The following STXBP5L variants were observed in gnomAD, a reference collection of about 807,000 sequenced individuals.
STXBP5L encodes the protein syntaxin-binding protein 5-like.
Under a neutral mutation model 144.5 loss-of-function variants are expected in STXBP5L, and 65 were observed. The ratio of observed to expected loss-of-function variants is 0.45; its 90% CI spans 0.37 to 0.55. The LOEUF is 0.55. Ranked by LOEUF, STXBP5L falls within the 20% of genes least tolerant of loss-of-function variation. The pLI is 0.00. For synonymous variants in STXBP5L, 505 were observed against 469.6 expected (o/e 1.08, Z -0.97); for missense variants, 1,298 against 1,405.5 (o/e 0.92, Z 1.22).
At chr3:121,020,133 C>G (rs1284275921) in intron 3 of STXBP5L, among the ~76,000 whole-genome samples, 3 of 152,092 alleles carry the variant, frequency 2.0e-5, no homozygotes, top group Admixed American at 6.5e-5. Flanking sequence ...ACAAAATGCA[C>G]TGGAAAGGCT....
chr3:121,316,634 G>A (rs913079400), intron 19 of STXBP5L, among the ~76,000 whole-genome samples: 7 of 152,072 alleles, frequency 4.6e-5, no homozygotes, highest in East Asian at 3.8e-4. Flanking sequence ...AGTATTTAGC[G>A]GAGGATTAGG....
At chr3:121,042,568 C>T (rs724495) in intron 4 of STXBP5L, among the ~76,000 whole-genome samples, 15,114 of 152,140 alleles carry the variant, frequency 0.099, 1,183 homozygotes, top group Admixed American at 0.2. Context: ...TGGTTATTTT[C>T]TCATGGCATG....
At chr3:121,371,675 A>G in intron 20 of STXBP5L, among the ~76,000 whole-genome samples, 1 of 152,186 alleles carries the variant, frequency 6.6e-6, no homozygotes, top group East Asian at 1.9e-4. Context: ...GCATGCATTC[A>G]TGCTAGTGGT....
chr3:121,102,856 C>T (rs2043500673), intron 5 of STXBP5L, among the ~76,000 whole-genome samples: 1 of 151,786 alleles, frequency 6.6e-6, no homozygotes, highest in African/African-American at 2.4e-5. Flanking sequence ...ATTCAACAAG[C>T]AAGAAACACA....
chr3:121,091,844 C>G (rs1283303544), intron 5 of STXBP5L, among the ~76,000 whole-genome samples: 1 of 152,084 alleles, frequency 6.6e-6, no homozygotes, highest in Admixed American at 6.6e-5. Flanking sequence ...ACATGAAGTC[C>G]TTGCCCATGC....
At chr3:121,008,764 G>C (rs935585670) in intron 3 of STXBP5L, among the ~76,000 whole-genome samples, 1 of 151,870 alleles carries the variant, frequency 6.6e-6, no homozygotes, top group African/African-American at 2.4e-5. Flanking sequence ...TGGGTCCTTT[G>C]GTTTGAGGCA....
chr3:121,214,511 T>G (rs553555776), intron 10 of STXBP5L, among the ~76,000 whole-genome samples: 2 of 152,308 alleles, frequency 1.3e-5, no homozygotes, highest in East Asian at 3.9e-4. Context: ...CATGTTGTTT[T>G]GTGGTTTTGA....
intron 9 of STXBP5L, among the ~76,000 whole-genome samples, chr3:121,194,643 A>G (rs2108184402): frequency 6.6e-6 from 1 of 152,258 alleles, no homozygotes; most frequent in African/African-American, 2.4e-5. Flanking sequence ...TGAAAAATTG[A>G]TACTAATTCT....
intron 5 of STXBP5L, among the ~76,000 whole-genome samples, chr3:121,052,457 A>G (rs1948091368): frequency 6.6e-6 from 1 of 152,212 alleles, no homozygotes; most frequent in East Asian, 1.9e-4. Flanking sequence ...AAATCAATAA[A>G]TGTAATCCAG....
Position 121,407,336 on chromosome 3 carries a change from A to T in STXBP5L, c.2681A>T (p.Asp894Val). The T allele has an allele frequency of 2.5e-6, 4 of 1,612,852 alleles. No individual in the cohort carries two copies. Among genetic ancestry groups the T allele is most frequent in the African/African-American group, 2.7e-5 (2 of 74,964 alleles). The change falls in exon 23 of 27, where the codon GAT becomes GTT. Residue 894 changes from aspartate to valine, a missense_variant. Asp to Val is a radical substitution (Grantham distance 152). Coordinates refer to ENST00000471454, the MANE Select transcript of STXBP5L (RefSeq NM_001308330.2). The stretch of plus-strand genomic sequence containing the variant: ...CAACCGCCATATGAAGTTTGGAGGG[A>T]TCCAAACAACATAGATGAAAATGAA... ...LMQPPYEVWR[D>V]PNNIDENEKS...
intron 10 of STXBP5L, among the ~76,000 whole-genome samples, chr3:121,211,147 A>C (rs534574860): frequency 6.6e-6 from 1 of 152,292 alleles, no homozygotes; most frequent in African/African-American, 2.4e-5. Context: ...GGTCCTTGAC[A>C]TCCCTTGTAA....
chr3:120,978,748 G>C (rs933645728), intron 3 of STXBP5L, among the ~76,000 whole-genome samples: 12 of 152,162 alleles, frequency 7.9e-5, no homozygotes, highest in Admixed American at 7.9e-4. Flanking sequence ...CTGTTTGTTA[G>C]TTTTCCTTCT....
At chr3:121,277,195 T>C (rs1290161740) in intron 18 of STXBP5L, among the ~76,000 whole-genome samples, 1 of 152,008 alleles carries the variant, frequency 6.6e-6, no homozygotes, top group Non-Finnish European at 1.5e-5. Context: ...TCCTTATAGA[T>C]AGTACCTTCT....
At position 121,259,060 on chromosome 3, in the gene STXBP5L, T is replaced by G. The variant is rs1246397265; in HGVS notation, c.1850T>G (p.Val617Gly). 1 of 1,604,028 alleles carries G rather than the reference T, an allele frequency of 6.2e-7. No homozygotes were observed. Among genetic ancestry groups the G allele is most frequent in the African/African-American group, 1.3e-5 (1 of 74,602 alleles). The change falls in exon 18 of 27, where the codon GTG (valine) becomes GGG (glycine). Residue 617 changes from valine (V) to glycine (G), a missense_variant. Coordinates refer to ENST00000471454, the MANE Select transcript of STXBP5L (RefSeq NM_001308330.2). ...IPCLNVKTRP[V>G]RMPPGYQAEL... ...TCTTAAAGTGTGAAGACACGGCCAG[T>G]GCGAATGCCTCCAGGATATCAAGCA... is the stretch of plus-strand genomic sequence containing the variant.
intron 9 of STXBP5L, among the ~76,000 whole-genome samples, chr3:121,184,963 T>C (rs1201182797): frequency 1.3e-5 from 2 of 152,114 alleles, no homozygotes; most frequent in East Asian, 1.9e-4. Context: ...TCCAGCCAAA[T>C]AGTTTCATAA....
At chr3:120,977,001 C>G (rs1318734584) in intron 3 of STXBP5L, among the ~76,000 whole-genome samples, 2 of 151,980 alleles carry the variant, frequency 1.3e-5, no homozygotes, top group Non-Finnish European at 2.9e-5. Context: ...TGGTGTGGTG[C>G]TGAAAAATAT....
chr3:120,979,886 C>G (rs944479108), intron 3 of STXBP5L, among the ~76,000 whole-genome samples: 2 of 152,090 alleles, frequency 1.3e-5, no homozygotes, highest in African/African-American at 2.4e-5. Context: ...CTTAGCATTT[C>G]TTTTGCTGTA....
At chr3:121,098,515 C>T (rs757297054) in intron 5 of STXBP5L, among the ~76,000 whole-genome samples, 1 of 152,166 alleles carries the variant, frequency 6.6e-6, no homozygotes, top group Admixed American at 6.5e-5. Context: ...GTCATCAAGG[C>T]AGAGAGATCT....
chr3:120,913,357 AG>A (rs1046483016), intron 2 of STXBP5L, among the ~76,000 whole-genome samples: 8 of 152,082 alleles, frequency 5.3e-5, no homozygotes, highest in African/African-American at 1.9e-4. Flanking sequence ...GATGAGTCCT[AG>A]GCACTTGCAT....
Sources: gnomAD v4.1 joint callset for allele counts (sites outside exome capture counted in the v4.1 genomes callset) on GRCh38, gnomAD v4.1.1 for gene constraint, MANE v1.5 for transcripts, NCBI Gene and HGNC (gene_info 2026-07-23, HGNC 2026-07-21) for gene names.